NRXN1: variants seen among roughly 807,000 people sequenced by gnomAD.
NRXN1 encodes the protein neurexin-1.
In NRXN1, 39 loss-of-function variants were observed where a neutral mutation model predicts 150.9. The observed-to-expected ratio is 0.26, with a 90% CI of 0.20 to 0.34. NRXN1 has a LOEUF of 0.34. Ranked by LOEUF, NRXN1 falls within the 10% of genes least tolerant of loss-of-function variation. NRXN1 has a pLI of 1.00. For synonymous variants in NRXN1, 924 were observed against 757.0 expected (o/e 1.22, Z -3.62); for missense variants, 1,815 against 1,949.9 (o/e 0.93, Z 1.30).
chr2:50,471,145 G>A (rs183386116), intron 16 of NRXN1, among the ~76,000 whole-genome samples: 27 of 151,234 alleles, frequency 1.8e-4, no homozygotes, highest in African/African-American at 5.3e-4. Flanking sequence ...AGTGGTTTTC[G>A]GTTACATGGA....
chr2:50,258,376 T>C (rs945409393), intron 17 of NRXN1, among the ~76,000 whole-genome samples: 3 of 152,098 alleles, frequency 2.0e-5, no homozygotes, highest in Non-Finnish European at 2.9e-5. Context: ...GTACATTTCA[T>C]CTCATGAAAC....
At chr2:50,314,418 C>G (rs1410159693) in intron 17 of NRXN1, among the ~76,000 whole-genome samples, 8 of 151,976 alleles carry the variant, frequency 5.3e-5, no homozygotes, top group Admixed American at 5.3e-4. Flanking sequence ...CCCTTTCCTC[C>G]TCAGCTCAAA....
intron 5 of NRXN1, among the ~76,000 whole-genome samples, chr2:50,901,898 C>T (rs571623251): frequency 1.8e-4 from 28 of 152,270 alleles, no homozygotes; most frequent in African/African-American, 3.8e-4. Flanking sequence ...CATTGCAACA[C>T]GCATGGCGAA....
rs199714467 is a variant in NRXN1 at position 50,095,782 on chromosome 2, TTA to T, written c.3547-4290_3547-4289del. Among the ~76,000 whole-genome samples, 882 of 150,696 alleles carry T rather than the reference TTA, an allele frequency of 5.9e-3. 18 individuals are homozygous for T. In the East Asian group the frequency reaches 0.061, roughly 10 times the overall value. Reference sequence around the variant, plus strand: ...CATCCGACTTTTTTTTTTTTTAATTTTATATATATATTTTTTTATTATACTTT... The same window carrying T: ...CATCCGACTTTTTTTTTTTTTAATTTTATATATATTTTTTTATTATACTTT... On this transcript the variant is annotated intron_variant, in intron 18 of 22. Transcript: ENST00000401669.
chr2:50,611,900 C>T (rs574846400), intron 8 of NRXN1, among the ~76,000 whole-genome samples: 1 of 152,262 alleles, frequency 6.6e-6, no homozygotes, highest in African/African-American at 2.4e-5. Flanking sequence ...ATATTTCCTG[C>T]TGCTTCTTCT....
intron 12 of NRXN1, 92 bp downstream of exon 12, chr2:50,528,533 C>G: frequency 1.3e-6 from 1 of 746,850 alleles, no homozygotes. Flanking sequence ...GTTTTATAAA[C>G]ACATTTCTCT....
chr2:50,734,041 C>T (rs190679550), intron 5 of NRXN1, among the ~76,000 whole-genome samples: 7 of 152,102 alleles, frequency 4.6e-5, no homozygotes, highest in African/African-American at 1.7e-4. Context: ...GGTGATTTTG[C>T]CCCCCAAGGG....
chr2:50,977,916 T>C (rs1432922663), intron 2 of NRXN1, among the ~76,000 whole-genome samples: 2 of 151,872 alleles, frequency 1.3e-5, no homozygotes, highest in Middle Eastern at 3.4e-3. Flanking sequence ...GTGATAGCAA[T>C]CTGAAACAAC....
At chr2:50,642,229 A>G (rs1246854474) in intron 5 of NRXN1, among the ~76,000 whole-genome samples, 3 of 152,100 alleles carry the variant, frequency 2.0e-5, no homozygotes, top group Non-Finnish European at 4.4e-5. Flanking sequence ...GTTGAATTAG[A>G]CAGGGATCCA....
chr2:50,884,849 T>C (rs1445277993), intron 5 of NRXN1, among the ~76,000 whole-genome samples: 1 of 151,586 alleles, frequency 6.6e-6, no homozygotes, highest in East Asian at 1.9e-4. Flanking sequence ...TACAAACTTT[T>C]TTTTCTATAA....
intron 5 of NRXN1, among the ~76,000 whole-genome samples, chr2:50,684,510 G>A (rs1401076374): frequency 6.6e-6 from 1 of 152,018 alleles, no homozygotes; most frequent in Admixed American, 6.6e-5. Flanking sequence ...TCAAAAAATG[G>A]AAAATACAAT....
At chr2:50,022,275 C>T (rs1454455162) in intron 21 of NRXN1, among the ~76,000 whole-genome samples, 1 of 152,230 alleles carries the variant, frequency 6.6e-6, no homozygotes, top group African/African-American at 2.4e-5. Flanking sequence ...AGCCACTGCG[C>T]CCGGCTACAG....
intron 2 of NRXN1, among the ~76,000 whole-genome samples, chr2:50,936,434 C>A (rs1265988137): frequency 6.6e-6 from 1 of 152,014 alleles, no homozygotes; most frequent in African/African-American, 2.4e-5. Flanking sequence ...TGACAGAAAA[C>A]CTTAATACAT....
At chr2:50,126,012 G>T (rs1248488148) in intron 18 of NRXN1, among the ~76,000 whole-genome samples, 1 of 152,032 alleles carries the variant, frequency 6.6e-6, no homozygotes, top group Non-Finnish European at 1.5e-5. Context: ...TTATTCAATG[G>T]ATCATAGGAA....
intron 5 of NRXN1, among the ~76,000 whole-genome samples, chr2:50,846,309 G>A (rs1234761627): frequency 1.3e-5 from 2 of 152,116 alleles, no homozygotes; most frequent in Non-Finnish European, 2.9e-5. Flanking sequence ...TTCTCAAAGT[G>A]TCAGGTGTAA....
intron 19 of NRXN1, among the ~76,000 whole-genome samples, chr2:50,084,493 C>G (rs1698494059): frequency 6.6e-6 from 1 of 152,188 alleles, no homozygotes; most frequent in Non-Finnish European, 1.5e-5. Flanking sequence ...GGCCGGCCGG[C>G]CGCTGCAAGT....
chr2:50,429,619 G>C (rs896467617), intron 17 of NRXN1, among the ~76,000 whole-genome samples: 3 of 152,058 alleles, frequency 2.0e-5, no homozygotes, highest in African/African-American at 7.2e-5. Flanking sequence ...AATAGATCAA[G>C]AGTAACTCAC....
chr2:50,169,660 G>A (rs918361434), intron 18 of NRXN1, among the ~76,000 whole-genome samples: 38 of 149,738 alleles, frequency 2.5e-4, no homozygotes, highest in African/African-American at 7.7e-4. Flanking sequence ...TGCAGTGAGC[G>A]GAGAATGCGC....
intron 18 of NRXN1, among the ~76,000 whole-genome samples, chr2:50,230,112 G>C (rs1255669284): frequency 6.6e-6 from 1 of 152,048 alleles, no homozygotes. Flanking sequence ...CTTCCAAAGA[G>C]ATTCCGGAGA....
Sources: gnomAD v4.1 joint callset for allele counts (sites outside exome capture counted in the v4.1 genomes callset) on GRCh38, gnomAD v4.1.1 for gene constraint, MANE v1.5 for transcripts, NCBI Gene and HGNC (gene_info 2026-07-23, HGNC 2026-07-21) for gene names.